ARVCF: variants seen among roughly 807,000 people sequenced by gnomAD.
ARVCF encodes ARVCF delta catenin family member.
Under a neutral mutation model 90.9 loss-of-function variants are expected in ARVCF, and 66 were observed. That is an observed-to-expected ratio of 0.73 (90% CI 0.60 to 0.89). The LOEUF (loss-of-function observed/expected upper bound fraction) is 0.89, where lower values mean the gene tolerates loss of function less well. Among genes scored for constraint, ARVCF ranks in the 40% least tolerant of loss-of-function variants. The pLI is 0.00. For synonymous variants in ARVCF, 653 were observed against 603.4 expected (o/e 1.08, Z -1.21); for missense variants, 1,469 against 1,382.3 (o/e 1.06, Z -1.00).
chr22:19,979,972 G>C lies in ARVCF; in HGVS notation c.1167C>G (p.Asn389Lys). ...GCCGTACACGCCGCTTGACACCCTCGTTCTCAAAGCACAGATGCTGCAGGT... is the reference window on the plus strand; with the variant it reads ...GCCGTACACGCCGCTTGACACCCTCCTTCTCAAAGCACAGATGCTGCAGGT... The part of the protein sequence containing the change: ...AAYLQHLCFE[N>K]EGVKRRVRQL... The change falls in exon 6 of 20, where the codon AAC (asparagine) becomes AAG (lysine). Residue 389 changes from asparagine to lysine, a missense_variant. By Grantham distance (94) the Asn-to-Lys change is moderately conservative. Transcript: ENST00000263207. 1.9e-6 allele frequency: 3 copies of C among 1,595,998 alleles called. No individual in the cohort carries two copies. Among genetic ancestry groups the C allele is most frequent in the Non-Finnish European group, 2.6e-6 (3 of 1,171,882 alleles).
chr22:20,007,752 CAAAG>C (rs1319788026), intron 2 of ARVCF, among the ~76,000 whole-genome samples: 1 of 152,220 alleles, frequency 6.6e-6, no homozygotes, highest in African/African-American at 2.4e-5. Context: ...GATGTAGCGA[CAAAG>C]AAGGCCCTCG....
intron 2 of ARVCF, among the ~76,000 whole-genome samples, chr22:19,991,345 G>T (rs1194673212): frequency 6.6e-6 from 1 of 152,232 alleles, no homozygotes; most frequent in Non-Finnish European, 1.5e-5. Context: ...CGAGGCAGGC[G>T]CAGGTGACCA....
chr22:19,998,481 T>C (rs1944334082), intron 2 of ARVCF, among the ~76,000 whole-genome samples: 2 of 152,048 alleles, frequency 1.3e-5, no homozygotes, highest in African/African-American at 4.8e-5. Context: ...TAGGAGAGCC[T>C]TCAGGTTAGG....
intron 17 of ARVCF, 81 bp downstream of exon 17, chr22:19,972,277 A>AC (rs1341934711): frequency 3.2e-6 from 5 of 1,576,488 alleles, no homozygotes; most frequent in Non-Finnish European, 4.4e-6. Context: ...CACCATCTAC[A>AC]CCCCATAAAA....
At chr22:19,979,200 G>A in intron 6 of ARVCF, 120 bp from the exon 7 acceptor site, 1 of 1,147,960 alleles carries the variant, frequency 8.7e-7, no homozygotes, top group Non-Finnish European at 1.2e-6. Context: ...AGAACAGTAG[G>A]AAGTAACAAA....
At chr22:20,008,004 T>C (rs1363574575) in intron 2 of ARVCF, among the ~76,000 whole-genome samples, 2 of 152,160 alleles carry the variant, frequency 1.3e-5, no homozygotes, top group Non-Finnish European at 2.9e-5. Flanking sequence ...AGAGACGGAA[T>C]ATCTAAAAAT....
chr22:20,008,226 G>A (rs148657487), intron 2 of ARVCF, among the ~76,000 whole-genome samples: 1 of 152,310 alleles, frequency 6.6e-6, no homozygotes, highest in African/African-American at 2.4e-5. Context: ...GCGGCCGCAG[G>A]AGACGAAGCC....
chr22:19,981,936 G>A lies in ARVCF; in HGVS notation c.366C>T (p.Thr122=), dbSNP rs915460090. 5 of 1,612,448 alleles carry A rather than the reference G, an allele frequency of 3.1e-6. No homozygotes were observed. The highest frequency in any genetic ancestry group is 4.2e-6 in the Non-Finnish European group (5 of 1,179,704). The part of the protein sequence containing the change: ...SEDGTTRRTE[T]KVTKTVKTVT... Reference sequence around the variant, plus strand: ...CACTGCCTGGGCCTGGCCATACCTTGGTCTCGGTGCGCCGGGTTGTGCCAT... The same window carrying A: ...CACTGCCTGGGCCTGGCCATACCTTAGTCTCGGTGCGCCGGGTTGTGCCAT... Residue 122 remains threonine, a synonymous_variant, in exon 4 of 20, where the codon ACC becomes ACT. Coordinates refer to ENST00000263207, the MANE Select transcript of ARVCF (RefSeq NM_001670.3).
At chr22:20,001,413 G>A (rs1025649176) in intron 2 of ARVCF, among the ~76,000 whole-genome samples, 3 of 152,194 alleles carry the variant, frequency 2.0e-5, no homozygotes, top group East Asian at 3.8e-4. Flanking sequence ...GCCGCTTCCC[G>A]CTGAGTCACA....
At position 19,997,043 on chromosome 22, in the gene ARVCF, A is replaced by T. The variant is rs111749217; in HGVS notation, c.-18-6231T>A. Among the ~76,000 whole-genome samples, 1,079 of 152,356 alleles carry T rather than the reference A, an allele frequency of 7.1e-3. 3 individuals are homozygous for T. The highest frequency in any genetic ancestry group is 0.01 in the Non-Finnish European group (703 of 68,028). On this transcript the variant is annotated intron_variant, in intron 2 of 19. Coordinates refer to ENST00000263207, the MANE Select transcript of ARVCF (RefSeq NM_001670.3). ...CGCTGCTCCTGCCCTGCACTAATGC[A>T]GTGCCCAAGGCCAAAGGTGGCCAAG...
In ARVCF at chr22:19,970,505, C is replaced by G; in HGVS notation, c.*251G>C. 9.3e-7 allele frequency: 1 copy of G among 1,073,570 alleles called. No individual in the cohort carries two copies. The highest frequency in any genetic ancestry group is 2.2e-5 in the South Asian group (1 of 45,142). 66.5% of individuals were successfully genotyped at this position (1,073,570 alleles called of 1,614,324 possible). ...AGCCCAGTCGGCCTCCTCGGGCCTT[C>G]TGTCACTCGCTCACACACAGCACCA... On this transcript the variant is annotated 3_prime_UTR_variant, in exon 20 of 20. Transcript: ENST00000263207.
At position 19,978,802 on chromosome 22, in the gene ARVCF, C is replaced by A. The variant is rs150842244; in HGVS notation, c.1580+95G>T. The A allele has an allele frequency of 2.5e-3, 3,532 of 1,424,144 alleles. 75 individuals are homozygous for A. In the African/African-American group the frequency reaches 0.044, roughly 18 times the overall value. The allele number at this position is 1,424,144 out of a possible 1,614,324, so 88.2% of individuals were successfully genotyped here. ...CAGCTCTGAAGCTCCTAAGCTCTGG[C>A]GCTCCTAAGCTCGCCGCCATCTTCC... On this transcript the variant is annotated intron_variant, in intron 7 of 19. Coordinates refer to ENST00000263207, the MANE Select transcript of ARVCF (RefSeq NM_001670.3).
At chr22:20,006,326 T>C (rs999305804) in intron 2 of ARVCF, among the ~76,000 whole-genome samples, 4 of 150,772 alleles carry the variant, frequency 2.7e-5, no homozygotes, top group East Asian at 4.0e-4. Flanking sequence ...GCCTGTAATC[T>C]CAGCACTTTG....
At position 19,977,395 on chromosome 22, in the gene ARVCF, C is replaced by T; in HGVS notation, c.1870+20G>A. 6.7e-7 allele frequency: 1 copy of T among 1,495,800 alleles called. No individual in the cohort carries two copies. The highest frequency in any genetic ancestry group is 1.4e-5 in the South Asian group (1 of 73,370). The allele number at this position is 1,495,800 out of a possible 1,614,324, so 92.7% of individuals were successfully genotyped here. A position where few individuals can be genotyped will look rare whatever the true frequency, so the allele number is the denominator to read the frequency against. ...AGGAGTTGAGATGGTAGAGATGATACCCCAGTCCGCCCCACCCACCTTTGG... is the reference window on the plus strand; with the variant it reads ...AGGAGTTGAGATGGTAGAGATGATATCCCAGTCCGCCCCACCCACCTTTGG... On this transcript the variant is annotated intron_variant, in intron 9 of 19. Coordinates refer to ENST00000263207, the MANE Select transcript of ARVCF (RefSeq NM_001670.3).
chr22:19,982,940 T>C (rs1267118599), intron 3 of ARVCF, among the ~76,000 whole-genome samples: 1 of 152,314 alleles, frequency 6.6e-6, no homozygotes, highest in African/African-American at 2.4e-5. Flanking sequence ...GACTGAGACT[T>C]TTCTATCCAC....
chr22:19,968,864 T>C (rs1003960733), downstream of ARVCF: 14 of 847,394 alleles, frequency 1.7e-5, no homozygotes, highest in African/African-American at 3.3e-5. Context: ...GGCCGAGGCC[T>C]GCGCCCTGAC....
At chr22:19,991,222 AGGGCCAAGAAAGGGT>A (rs1165705278) in intron 2 of ARVCF, among the ~76,000 whole-genome samples, 2 of 152,368 alleles carry the variant, frequency 1.3e-5, no homozygotes, top group African/African-American at 4.8e-5. Flanking sequence ...GGCAGATGCC[AGGGCCAAGAAAGGGT>A]GGGGGACCAT....
In ARVCF at chr22:19,981,244, C is replaced by T; in HGVS notation, c.863G>A (p.Arg288Lys). ...AAGGCCCCGCCCACACTCAGGCCTC[C>T]TCCTTGTGGCCGTGCCATAGTCAGG... ...LEPDYGTATR[R>K]RPECGRGLHT... Residue 288 changes from arginine to lysine, a missense_variant, in exon 5 of 20, where the codon AGG (arginine) becomes AAG (lysine). By Grantham distance (26) the Arg-to-Lys change is conservative. Coordinates refer to ENST00000263207, the MANE Select transcript of ARVCF (RefSeq NM_001670.3). 1.3e-6 allele frequency: 2 copies of T among 1,557,100 alleles called. No individual in the cohort carries two copies. Among genetic ancestry groups the T allele is most frequent in the African/African-American group, 1.4e-5 (1 of 73,418 alleles).
At position 19,970,526 on chromosome 22, in the gene ARVCF, C is replaced by CAA; in HGVS notation, c.*229_*230insTT. ...CCTTCTGTCACTCGCTCACACACAG[C>CAA]ACCATGTCAGTAAACAGCTAACTCA... On this transcript the variant is annotated 3_prime_UTR_variant, in exon 20 of 20. Coordinates refer to ENST00000263207, the MANE Select transcript of ARVCF (RefSeq NM_001670.3). 1 of 1,158,768 alleles carries CAA rather than the reference C, an allele frequency of 8.6e-7. No homozygotes were observed. The highest frequency in any genetic ancestry group is 1.1e-6 in the Non-Finnish European group (1 of 926,148). 71.8% of individuals were successfully genotyped at this position (1,158,768 alleles called of 1,614,324 possible).
Sources: allele counts gnomAD v4.1 joint callset (sites outside exome capture counted in the v4.1 genomes callset), GRCh38; gene constraint gnomAD v4.1.1; transcripts MANE v1.5; gene names NCBI Gene and HGNC (gene_info 2026-07-23, HGNC 2026-07-21).